The following TATDN1 variants were observed in gnomAD, a reference collection of about 807,000 sequenced individuals.
TATDN1 encodes the protein TatD DNase domain containing 1.
Under a neutral mutation model 46.4 loss-of-function variants are expected in TATDN1, and 40 were observed. The ratio of observed to expected loss-of-function variants is 0.86; its 90% CI spans 0.67 to 1.12. The LOEUF (loss-of-function observed/expected upper bound fraction) is 1.12, where lower values mean the gene tolerates loss of function less well. Ranked by LOEUF, TATDN1 falls within the 50% of genes most tolerant of loss-of-function variation. The pLI, the probability that TATDN1 is intolerant of heterozygous loss-of-function variation, is 0.00. For missense variants in TATDN1, 326 were observed against 348.4 expected, an observed-to-expected ratio of 0.94 and a Z score of 0.51; for synonymous variants, 95 against 105.6, an observed-to-expected ratio of 0.90 and a Z score of 0.62.
At chr8:124,502,724 A>G (rs867300176) in intron 9 of TATDN1, among the ~76,000 whole-genome samples, 2 of 152,332 alleles carry the variant, frequency 1.3e-5, no homozygotes, top group South Asian at 2.1e-4. Context: ...TGTGCTTAAC[A>G]TTTCTTTTCT....
At chr8:124,495,424 T>C in intron 10 of TATDN1, 48 bp downstream of exon 10, 1 of 1,439,862 alleles carries the variant, frequency 6.9e-7, no homozygotes, top group Non-Finnish European at 9.5e-7. Flanking sequence ...GCTTTCCTTT[T>C]TGTTTGGTAT....
intron 9 of TATDN1, among the ~76,000 whole-genome samples, chr8:124,499,721 T>G (rs1238056650): frequency 6.6e-6 from 1 of 151,224 alleles, no homozygotes; most frequent in Non-Finnish European, 1.5e-5. Context: ...TTTTTTTGTA[T>G]TTTTAGTAGA....
At chr8:124,493,673 G>T in intron 11 of TATDN1, 160 bp downstream of exon 11, 1 of 699,008 alleles carries the variant, frequency 1.4e-6, no homozygotes, top group Non-Finnish European at 2.3e-6. Flanking sequence ...CTTAAACCAG[G>T]TATGCAAATT....
chr8:124,534,038 C>T (rs1034293444), intron 1 of TATDN1, among the ~76,000 whole-genome samples: 5 of 146,092 alleles, frequency 3.4e-5, no homozygotes, highest in African/African-American at 5.1e-5. Context: ...CCCAGCTACT[C>T]GGGAGGCTGA....
intron 2 of TATDN1, among the ~76,000 whole-genome samples, 199 bp downstream of exon 2, chr8:124,522,738 A>G (rs1205266312): frequency 6.6e-6 from 1 of 151,650 alleles, no homozygotes; most frequent in Non-Finnish European, 1.5e-5. Context: ...TTATTATTTC[A>G]ATTTTAAGAG....
chr8:124,514,924 T>C (rs1285919637), intron 6 of TATDN1, among the ~76,000 whole-genome samples: 1 of 152,190 alleles, frequency 6.6e-6, no homozygotes, highest in East Asian at 1.9e-4. Flanking sequence ...CTAGCTTTGG[T>C]GATTGATCCT....
intron 6 of TATDN1, among the ~76,000 whole-genome samples, chr8:124,515,208 C>G (rs1360399666): frequency 6.6e-6 from 1 of 152,092 alleles, no homozygotes; most frequent in Non-Finnish European, 1.5e-5. Context: ...TGGTGAAACC[C>G]AATTTTTACT....
chr8:124,526,690 A>G (rs1275715423), intron 1 of TATDN1: 1 of 152,208 alleles, frequency 6.6e-6, no homozygotes, highest in African/African-American at 2.4e-5. Flanking sequence ...TTCTTCAAAT[A>G]TTGACTTTTC....
intron 1 of TATDN1, chr8:124,526,661 C>CT (rs1354786022): frequency 1.3e-5 from 2 of 152,182 alleles, no homozygotes; most frequent in African/African-American, 4.8e-5. Flanking sequence ...AAAGCAGCAC[C>CT]TACTTTATTA....
intron 1 of TATDN1, among the ~76,000 whole-genome samples, chr8:124,532,269 G>A (rs970338736): frequency 6.6e-6 from 1 of 152,148 alleles, no homozygotes; most frequent in African/African-American, 2.4e-5. Flanking sequence ...GCATCTAAGA[G>A]AAACAAAACA....
chr8:124,509,676 T>C (rs1323572421), intron 6 of TATDN1, among the ~76,000 whole-genome samples: 1 of 152,230 alleles, frequency 6.6e-6, no homozygotes, highest in Admixed American at 6.5e-5. Flanking sequence ...TGTGCAGGAC[T>C]ATTTTACCCC....
At chr8:124,502,177 A>G (rs1369636077) in intron 9 of TATDN1, among the ~76,000 whole-genome samples, 2 of 152,070 alleles carry the variant, frequency 1.3e-5, no homozygotes, top group Non-Finnish European at 2.9e-5. Context: ...TACTAAAAAT[A>G]CAAAAACAAA....
intron 3 of TATDN1, chr8:124,521,800 T>C (rs16899660): frequency 0.065 from 11,159 of 173,006 alleles, 512 homozygotes; most frequent in East Asian, 0.17. Flanking sequence ...TGGTGTCAGG[T>C]ACATGTATTT....
chr8:124,498,029 T>C (rs918859165), intron 9 of TATDN1, among the ~76,000 whole-genome samples: 2 of 152,232 alleles, frequency 1.3e-5, no homozygotes, highest in Non-Finnish European at 2.9e-5. Flanking sequence ...ATTTCATGTC[T>C]GTAACATCTC....
At chr8:124,527,632 T>C (rs1820612710) in intron 1 of TATDN1, among the ~76,000 whole-genome samples, 2 of 152,128 alleles carry the variant, frequency 1.3e-5, no homozygotes, top group African/African-American at 4.8e-5. Flanking sequence ...TGGGGTCTCC[T>C]TGGCCAAGGT....
intron 3 of TATDN1, among the ~76,000 whole-genome samples, chr8:124,519,420 T>C (rs1268300178): frequency 6.6e-6 from 1 of 152,210 alleles, no homozygotes; most frequent in African/African-American, 2.4e-5. Context: ...GAAAAAGATA[T>C]GAAAATTCAG....
At chr8:124,492,047 T>C (rs1482895153) in intron 11 of TATDN1, among the ~76,000 whole-genome samples, 1 of 151,726 alleles carries the variant, frequency 6.6e-6, no homozygotes, top group Non-Finnish European at 1.5e-5. Context: ...TGGTCTCTGC[T>C]CACTGCAACC....
intron 8 of TATDN1, among the ~76,000 whole-genome samples, chr8:124,505,799 AAAG>A (rs1352226225): frequency 6.6e-6 from 1 of 152,034 alleles, no homozygotes; most frequent in Non-Finnish European, 1.5e-5. Context: ...TCTCAACAAT[AAAG>A]AAGCCTGCAT....
chr8:124,514,830 C>A (rs1245699359), intron 6 of TATDN1, among the ~76,000 whole-genome samples: 1 of 152,164 alleles, frequency 6.6e-6, no homozygotes, highest in Non-Finnish European at 1.5e-5. Flanking sequence ...TCAGAAGCCA[C>A]CATTCAACAT....
Sources: allele counts gnomAD v4.1 joint callset (sites outside exome capture counted in the v4.1 genomes callset), GRCh38; gene constraint gnomAD v4.1.1; transcripts MANE v1.5; gene names NCBI Gene and HGNC (gene_info 2026-07-23, HGNC 2026-07-21).